The following LUZP2 variants were observed in gnomAD, a reference collection of about 807,000 sequenced individuals.
LUZP2 encodes leucine zipper protein 2.
In LUZP2, 52 loss-of-function variants were observed where a neutral mutation model predicts 51.6. The ratio of observed to expected loss-of-function variants is 1.01; its 90% CI spans 0.81 to 1.27. The LOEUF (loss-of-function observed/expected upper bound fraction) is 1.27, where lower values mean the gene tolerates loss of function less well. LUZP2 is among the 50% of genes most tolerant of loss of function. The pLI, the probability that LUZP2 is intolerant of heterozygous loss-of-function variation, is 0.00. For missense variants in LUZP2, 436 were observed against 395.4 expected (o/e 1.10, Z -0.87); for synonymous variants, 154 against 137.3 (o/e 1.12, Z -0.85).
At chr11:25,070,371 G>C (rs12808189) in intron 10 of LUZP2, among the ~76,000 whole-genome samples, 1 of 151,834 alleles carries the variant, frequency 6.6e-6, no homozygotes, top group Non-Finnish European at 1.5e-5. Flanking sequence ...TCAAAGCAAA[G>C]GCAAAGCAAA....
At chr11:24,572,994 G>C (rs891679742) in intron 1 of LUZP2, among the ~76,000 whole-genome samples, 2 of 151,980 alleles carry the variant, frequency 1.3e-5, no homozygotes, top group African/African-American at 4.8e-5. Context: ...CAAATGAAAG[G>C]CTGTAATATT....
At chr11:24,680,244 G>C (rs189099455) in intron 1 of LUZP2, among the ~76,000 whole-genome samples, 1 of 152,330 alleles carries the variant, frequency 6.6e-6, no homozygotes, top group African/African-American at 2.4e-5. Flanking sequence ...AAGGAGCAAG[G>C]CTCATTACTT....
chr11:24,677,901 G>A (rs987040945), intron 1 of LUZP2, among the ~76,000 whole-genome samples: 1 of 152,054 alleles, frequency 6.6e-6, no homozygotes, highest in Non-Finnish European at 1.5e-5. Flanking sequence ...GCCGGGCATG[G>A]TGGCGGGCGC....
chr11:24,876,170 C>T (rs1852254794), intron 5 of LUZP2, among the ~76,000 whole-genome samples: 1 of 149,126 alleles, frequency 6.7e-6, no homozygotes, highest in African/African-American at 2.5e-5. Flanking sequence ...GAAGCCCTTG[C>T]CCATGCCTAT....
intron 5 of LUZP2, chr11:24,892,456 C>A: frequency 1.1e-6 from 1 of 896,326 alleles, no homozygotes; most frequent in Non-Finnish European, 1.3e-6. Context: ...ACATTTATAC[C>A]ATCCAGAAAA....
chr11:24,661,746 A>G (rs1344558793), intron 1 of LUZP2, among the ~76,000 whole-genome samples: 3 of 152,192 alleles, frequency 2.0e-5, no homozygotes, highest in African/African-American at 7.2e-5. Context: ...GCTTTTATAA[A>G]TATGGTGAAA....
At chr11:24,960,231 A>G (rs1460291813) in intron 7 of LUZP2, among the ~76,000 whole-genome samples, 2 of 152,016 alleles carry the variant, frequency 1.3e-5, no homozygotes, top group African/African-American at 2.4e-5. Flanking sequence ...TGTGTCTTTG[A>G]CCAGCTTTGC....
chr11:24,808,370 A>G (rs1849915639), intron 5 of LUZP2, among the ~76,000 whole-genome samples: 1 of 152,130 alleles, frequency 6.6e-6, no homozygotes, highest in African/African-American at 2.4e-5. Context: ...AATGAACTCG[A>G]TTCTGAAGGT....
chr11:24,560,050 C>G lies in LUZP2; in HGVS notation c.62+62745C>G, dbSNP rs1029997361. ...ATCATGGGTTGATGGGTGCAGCAAA[C>G]CCCCATGGCATGTGTATACCTATGT... is the stretch of plus-strand genomic sequence containing the variant. On this transcript the variant is annotated intron_variant, in intron 1 of 11. Coordinates refer to ENST00000336930, the MANE Select transcript of LUZP2 (RefSeq NM_001009909.4). Among the ~76,000 whole-genome samples the G allele has an allele frequency of 6.6e-5, 10 of 152,118 alleles. 1 individual carries two copies. The South Asian group carries it at 2.1e-3, about 32-fold the overall frequency.
At chr11:24,742,932 C>A (rs1301122136) in intron 4 of LUZP2, among the ~76,000 whole-genome samples, 1 of 152,002 alleles carries the variant, frequency 6.6e-6, no homozygotes, top group Non-Finnish European at 1.5e-5. Flanking sequence ...TATCCCAGCA[C>A]CATTTGTTGA....
rs556709191 is a variant in LUZP2, at chr11:25,014,671, T to A, written c.765+31378T>A. Among the ~76,000 whole-genome samples the A allele has an allele frequency of 3.9e-5, 6 of 152,314 alleles. No homozygotes were observed. In the South Asian group the frequency reaches 1.2e-3, roughly 32 times the overall value. On this transcript the variant is annotated intron_variant, in intron 9 of 11. Transcript: ENST00000336930. ...ATTAGCCTTTTGTCAGATGAGTAGG[T>A]TGCAAAAATTTTCTCCCATTCTGTA...
intron 7 of LUZP2, among the ~76,000 whole-genome samples, chr11:24,968,570 A>T (rs1855654719): frequency 1.3e-5 from 2 of 152,024 alleles, no homozygotes. Context: ...GCCATGTAGA[A>T]TTTGTTCTAT....
intron 1 of LUZP2, among the ~76,000 whole-genome samples, chr11:24,560,898 G>A (rs571858377): frequency 3.7e-4 from 57 of 152,282 alleles, no homozygotes; most frequent in Non-Finnish European, 6.2e-4. Flanking sequence ...AGTCCAGGAT[G>A]CCAGCTTGGG....
rs1362951564 is a variant in LUZP2 at position 24,611,390 on chromosome 11, T to C, written c.62+114085T>C. ...GAGATAAGTACCATTTACCCCATTA[T>C]ATATACATACATACAGCTATATAAG... On this transcript the variant is annotated intron_variant, in intron 1 of 11. Coordinates refer to ENST00000336930, the MANE Select transcript of LUZP2 (RefSeq NM_001009909.4). The surrounding 1 kb of genome is among the most constrained non-coding windows in gnomAD (Gnocchi z 4.6). Among the ~76,000 whole-genome samples, 2 of 152,188 alleles carry C rather than the reference T, an allele frequency of 1.3e-5. No homozygotes were observed. The highest frequency in any genetic ancestry group is 2.1e-4 in the South Asian group (1 of 4,834).
At chr11:24,553,951 G>C (rs1851793060) in intron 1 of LUZP2, among the ~76,000 whole-genome samples, 1 of 152,152 alleles carries the variant, frequency 6.6e-6, no homozygotes, top group Admixed American at 6.6e-5. Flanking sequence ...TCTCTCTAAA[G>C]TTCCGCGAAA....
intron 1 of LUZP2, among the ~76,000 whole-genome samples, chr11:24,572,290 C>T (rs1159126249): frequency 6.6e-6 from 1 of 151,944 alleles, no homozygotes; most frequent in Non-Finnish European, 1.5e-5. Context: ...AATCTACAGA[C>T]TCAATTTGTT....
At chr11:24,948,263 T>C (rs773993580) in intron 7 of LUZP2, among the ~76,000 whole-genome samples, 5 of 151,830 alleles carry the variant, frequency 3.3e-5, no homozygotes, top group Non-Finnish European at 7.4e-5. Flanking sequence ...ATTTTCATAT[T>C]GTCCTTTTCA....
At chr11:24,773,915 A>G (rs931414029) in intron 5 of LUZP2, among the ~76,000 whole-genome samples, 1 of 152,012 alleles carries the variant, frequency 6.6e-6, no homozygotes, top group Non-Finnish European at 1.5e-5. Flanking sequence ...CAATGTAGCC[A>G]TTGTCCTTTT....
rs758637858 is a variant in LUZP2, at chr11:25,078,929, A to C, written c.*271A>C. 6 of 307,070 alleles carry C rather than the reference A, an allele frequency of 2.0e-5. No individual in the cohort carries two copies. Among genetic ancestry groups the C allele is most frequent in the Non-Finnish European group, 3.0e-5 (5 of 168,606 alleles). The allele number at this position is 307,070 out of a possible 1,614,324, so 19.0% of individuals were successfully genotyped here. A position where few individuals can be genotyped will look rare whatever the true frequency, so the allele number is the denominator to read the frequency against. ...ATTGGTCTGGTTTAACTCAAATGCTATCTAACATGTAATTCTCCCGGTTCA... is the reference window on the plus strand; with the variant it reads ...ATTGGTCTGGTTTAACTCAAATGCTCTCTAACATGTAATTCTCCCGGTTCA... On this transcript the variant is annotated 3_prime_UTR_variant, in exon 12 of 12. Transcript: ENST00000336930.
Sources: allele counts gnomAD v4.1 joint callset (sites outside exome capture counted in the v4.1 genomes callset), GRCh38; gene constraint gnomAD v4.1.1; non-coding constraint Gnocchi (gnomAD v3.1); transcripts MANE v1.5; gene names NCBI Gene and HGNC (gene_info 2026-07-23, HGNC 2026-07-21).